ACOXL: variants seen among roughly 807,000 people sequenced by gnomAD.
ACOXL encodes the protein acyl-CoA oxidase like, also known as acyl-coenzyme A oxidase-like protein.
In ACOXL, 70 loss-of-function variants were observed where a neutral mutation model predicts 71.9. The ratio of observed to expected loss-of-function variants is 0.97; its 90% CI spans 0.80 to 1.19. The LOEUF (loss-of-function observed/expected upper bound fraction) is 1.19. Ranked by LOEUF, ACOXL falls within the 50% of genes most tolerant of loss-of-function variation. The probability of loss-of-function intolerance (pLI) is 0.00; values close to 1 mark genes in which losing one functional copy is unlikely to be tolerated. For synonymous variants in ACOXL, 253 were observed against 281.6 expected (o/e 0.90, Z 1.02); for missense variants, 703 against 736.3 (o/e 0.95, Z 0.52).
intron 1 of ACOXL, among the ~76,000 whole-genome samples, chr2:110,744,014 GACCCTGC>G (rs1246310731): frequency 3.3e-5 from 5 of 152,182 alleles, no homozygotes; most frequent in African/African-American, 1.2e-4. Context: ...CCCAGGCACT[GACCCTGC>G]ACCCTGCAGC....
At chr2:111,022,274 A>G (rs2064798955) in intron 14 of ACOXL, among the ~76,000 whole-genome samples, 1 of 152,220 alleles carries the variant, frequency 6.6e-6, no homozygotes, top group African/African-American at 2.4e-5. Context: ...CCAAGGCTGG[A>G]GAATCGCTTG....
chr2:110,905,610 T>C (rs1202476160), intron 10 of ACOXL, among the ~76,000 whole-genome samples: 1 of 152,018 alleles, frequency 6.6e-6, no homozygotes, highest in Non-Finnish European at 1.5e-5. Context: ...CTGGATGGAA[T>C]AAAAAATGCA....
chr2:110,912,565 T>C (rs896242237), intron 11 of ACOXL, among the ~76,000 whole-genome samples: 2 of 152,134 alleles, frequency 1.3e-5, no homozygotes, highest in Non-Finnish European at 2.9e-5. Context: ...GATATTGATA[T>C]GCAAAAAATG....
chr2:110,861,704 G>A lies in ACOXL; in HGVS notation c.788+20299G>A, dbSNP rs530339682. ...CTGTCTTTTGGAGGTCGCTAATCCG[G>A]TGTTTGCACCTTATTGTCACTACGT... is the stretch of plus-strand genomic sequence containing the variant. On this transcript the variant is annotated intron_variant, in intron 10 of 17. Coordinates refer to ENST00000439055, the MANE Select transcript of ACOXL (RefSeq NM_001142807.4). 1.5e-3 allele frequency among the ~76,000 whole-genome samples: 224 copies of A among 152,300 alleles called. 1 individual carries two copies. Among genetic ancestry groups the A allele is most frequent in the African/African-American group, 5.2e-3 (216 of 41,550 alleles).
At chr2:110,959,692 C>A (rs931794592) in intron 12 of ACOXL, among the ~76,000 whole-genome samples, 1 of 152,132 alleles carries the variant, frequency 6.6e-6, no homozygotes, top group Admixed American at 6.5e-5. Context: ...CCCGCCACCC[C>A]CTGAGAATGA....
chr2:110,941,826 C>T (rs2060879828), intron 12 of ACOXL, among the ~76,000 whole-genome samples: 1 of 152,166 alleles, frequency 6.6e-6, no homozygotes, highest in South Asian at 2.1e-4. Flanking sequence ...AAAGAAAATT[C>T]TTCAGGCAGA....
At chr2:110,850,387 G>A (rs1283256088) in intron 10 of ACOXL, among the ~76,000 whole-genome samples, 1 of 152,210 alleles carries the variant, frequency 6.6e-6, no homozygotes, top group African/African-American at 2.4e-5. Flanking sequence ...TCCAGAGTAT[G>A]TAGAACTCTT....
At position 111,031,646 on chromosome 2, in the gene ACOXL, A is replaced by AT. The variant is rs761069344; in HGVS notation, c.1307dup (p.His437ProfsTer35). 7 of 1,613,930 alleles carry AT rather than the reference A, an allele frequency of 4.3e-6. No homozygotes were observed. Among genetic ancestry groups the AT allele is most frequent in the East Asian group, 4.5e-5 (2 of 44,878 alleles). On this transcript the variant is annotated frameshift_variant, in exon 15 of 18. Coordinates refer to ENST00000439055, the MANE Select transcript of ACOXL (RefSeq NM_001142807.4). LOFTEE classifies it high-confidence loss of function. ...GGACAGGTAAAGACCAAGAAGGAGGATTTTTTCCATGCCTGGAACTCGTGT... is the reference window on the plus strand; with the variant it reads ...GGACAGGTAAAGACCAAGAAGGAGGATTTTTTTCCATGCCTGGAACTCGTGT...
intron 8 of ACOXL, 108 bp downstream of exon 8, chr2:110,801,832 C>A: frequency 2.3e-6 from 2 of 866,088 alleles, no homozygotes; most frequent in East Asian, 2.5e-5. Flanking sequence ...GCATTCTTCC[C>A]CTAACCACCC....
At chr2:110,760,381 TG>T (rs1282349356) in intron 1 of ACOXL, among the ~76,000 whole-genome samples, 2 of 152,264 alleles carry the variant, frequency 1.3e-5, no homozygotes, top group African/African-American at 4.8e-5. Context: ...CCTGACCTCG[TG>T]ATCCGCCCGC....
At chr2:110,927,714 A>G (rs2060328414) in intron 11 of ACOXL, among the ~76,000 whole-genome samples, 1 of 152,192 alleles carries the variant, frequency 6.6e-6, no homozygotes. Flanking sequence ...CGAATCCTCA[A>G]TTTGGCATCA....
At chr2:110,986,671 A>G (rs1189204552) in intron 12 of ACOXL, among the ~76,000 whole-genome samples, 1 of 152,174 alleles carries the variant, frequency 6.6e-6, no homozygotes, top group African/African-American at 2.4e-5. Context: ...TAGAAGATAG[A>G]GATTGAAGTA....
At chr2:111,100,491 A>T (rs1237708869) in intron 17 of ACOXL, 1 of 152,678 alleles carries the variant, frequency 6.5e-6, no homozygotes, top group Non-Finnish European at 1.5e-5. Context: ...TGTCCAAGAA[A>T]TCTGGACACC....
At chr2:110,777,319 T>C (rs1214428655) in intron 2 of ACOXL, among the ~76,000 whole-genome samples, 1 of 152,062 alleles carries the variant, frequency 6.6e-6, no homozygotes, top group Non-Finnish European at 1.5e-5. Context: ...GAAGTGGCCA[T>C]AGAGGTAGGG....
At chr2:110,967,801 T>G (rs1336509596) in intron 12 of ACOXL, 1 of 791,096 alleles carries the variant, frequency 1.3e-6, no homozygotes, top group Non-Finnish European at 2.1e-6. Context: ...CAGGTCTCTG[T>G]TGAGCCACGG....
At chr2:110,937,842 T>G (rs931256) in intron 12 of ACOXL, among the ~76,000 whole-genome samples, 1 of 152,044 alleles carries the variant, frequency 6.6e-6, no homozygotes, top group Non-Finnish European at 1.5e-5. Context: ...CAGTTTTTCC[T>G]TACATAATAT....
At chr2:110,756,993 C>T (rs1179925455) in intron 1 of ACOXL, among the ~76,000 whole-genome samples, 1 of 152,106 alleles carries the variant, frequency 6.6e-6, no homozygotes, top group African/African-American at 2.4e-5. Flanking sequence ...CAGATCATCT[C>T]ATCATCTAGG....
intron 9 of ACOXL, among the ~76,000 whole-genome samples, chr2:110,825,909 C>T (rs1051195725): frequency 3.3e-5 from 5 of 152,116 alleles, no homozygotes; most frequent in Non-Finnish European, 7.4e-5. Flanking sequence ...TTTCTGAGCA[C>T]ATCAGCAGGA....
At chr2:110,784,875 T>C in intron 3 of ACOXL, 60 bp downstream of exon 3, 1 of 1,498,376 alleles carries the variant, frequency 6.7e-7, no homozygotes. Context: ...TGCCAAGGAA[T>C]GAAAACTATA....
Sources: allele counts gnomAD v4.1 joint callset (sites outside exome capture counted in the v4.1 genomes callset), GRCh38; gene constraint gnomAD v4.1.1; transcripts MANE v1.5; gene names NCBI Gene and HGNC (gene_info 2026-07-23, HGNC 2026-07-21).